The following INSR variants were observed in gnomAD, a reference collection of about 807,000 sequenced individuals.
The protein encoded by INSR is insulin receptor, also known as IR.
In INSR, 67 loss-of-function variants were observed where a neutral mutation model predicts 142.6. The ratio of observed to expected loss-of-function variants is 0.47; its 90% CI spans 0.39 to 0.58. The LOEUF (loss-of-function observed/expected upper bound fraction) is 0.58, where lower values mean the gene tolerates loss of function less well. Ranked by LOEUF, INSR falls within the 20% of genes least tolerant of loss-of-function variation. The probability of loss-of-function intolerance (pLI) is 0.00; values close to 1 mark genes in which losing one functional copy is unlikely to be tolerated. For synonymous variants in INSR, 756 were observed against 743.1 expected, an observed-to-expected ratio of 1.02 and a Z score of -0.28; for missense variants, 1,248 against 1,833.2, an observed-to-expected ratio of 0.68 and a Z score of 5.83.
chr19:7,215,511 T>G (rs1442168353), intron 2 of INSR, among the ~76,000 whole-genome samples: 1 of 152,008 alleles, frequency 6.6e-6, no homozygotes, highest in Non-Finnish European at 1.5e-5. Context: ...GCCTAAAGCT[T>G]GGAAACGCCA....
intron 2 of INSR, among the ~76,000 whole-genome samples, chr19:7,226,850 T>C (rs112188925): frequency 4.6e-5 from 7 of 152,118 alleles, no homozygotes; most frequent in African/African-American, 1.7e-4. Flanking sequence ...AAAAAAATTC[T>C]TTAAGCTGAT....
intron 2 of INSR, among the ~76,000 whole-genome samples, chr19:7,195,313 G>A (rs1974714767): frequency 6.6e-6 from 1 of 152,122 alleles, no homozygotes; most frequent in African/African-American, 2.4e-5. Flanking sequence ...CTAGCTTGAG[G>A]TCATTCGATA....
Position 7,130,934 on chromosome 19 carries a change from A to G in INSR, c.2842+1224T>C, listed in dbSNP as rs1203580313. ...CACTCTGTCACCCAGGCTGGAGTGC[A>G]GTGGCGTGATGTCGGCTCACTGCAA... On this transcript the variant is annotated intron_variant, in intron 14 of 21. Coordinates refer to ENST00000302850, the MANE Select transcript of INSR (RefSeq NM_000208.4). Among the ~76,000 whole-genome samples, 3 of 147,362 alleles carry G rather than the reference A, an allele frequency of 2.0e-5. No homozygotes were observed. The East Asian group carries it at 5.9e-4, about 29-fold the overall frequency.
chr19:7,194,976 C>G (rs1974706212), intron 2 of INSR, among the ~76,000 whole-genome samples: 2 of 152,134 alleles, frequency 1.3e-5, no homozygotes, highest in South Asian at 4.2e-4. Context: ...AAACCCCATC[C>G]CCTGTCCTCG....
In INSR at chr19:7,293,898, G is replaced by T. The variant is rs1479840037; in HGVS notation, c.-7C>A. ...GCCGGCCCCCGGTGGCCATGGCTGC[G>T]GGAGCGCGGGGTCTCCTCGGATCAG... On this transcript the variant is annotated 5_prime_UTR_variant, in exon 1 of 22. Transcript: ENST00000302850. 13 of 1,213,174 alleles carry T rather than the reference G, an allele frequency of 1.1e-5. No homozygotes were observed. The South Asian group carries it at 1.1e-4, about 10-fold the overall frequency. 75.2% of individuals were successfully genotyped at this position (1,213,174 alleles called of 1,614,324 possible). A position where few individuals can be genotyped will look rare whatever the true frequency, so the allele number is the denominator to read the frequency against.
Position 7,184,640 on chromosome 19 carries a change from G to A in INSR, c.653-3C>T, listed in dbSNP as rs894003252. 7.3e-7 allele frequency: 1 copy of A among 1,374,920 alleles called. No homozygotes were observed. The highest frequency in any genetic ancestry group is 1.9e-5 in the Admixed American group (1 of 53,754). 85.2% of individuals were successfully genotyped at this position (1,374,920 alleles called of 1,614,324 possible). On this transcript the variant is annotated splice_polypyrimidine_tract_variant and splice_region_variant and intron_variant, in intron 2 of 21. Transcript: ENST00000302850. ...TGACTTACAGATGGTCGGGCAAACT[G>A]GAGAGAGAGAGAGAGAGAGAGGGAA...
Position 7,125,505 on chromosome 19 carries a change from C to T in INSR, c.3036G>A (p.Val1012=), listed in dbSNP as rs45596938. Residue 1012 remains valine, a synonymous_variant, in exon 17 of 22, where the codon GTG becomes GTA. Coordinates refer to ENST00000302850, the MANE Select transcript of INSR (RefSeq NM_000208.4). This position sits in a 1 kb window ranked among gnomAD's most constrained non-coding sequence, Gnocchi z 4.9. ...CTCGAGACACCTCCCACTCGTCCGG[C>T]ACGTACACAGAGCATGGAAACACTA... ...ASDVFPCSVY[V]PDEWEVSREK... The T allele has an allele frequency of 6.2e-7, 1 of 1,613,962 alleles. No individual in the cohort carries two copies. Among genetic ancestry groups the T allele is most frequent in the South Asian group, 1.1e-5 (1 of 91,090 alleles).
chr19:7,269,514 G>A (rs1419208711), intron 1 of INSR, among the ~76,000 whole-genome samples: 1 of 151,958 alleles, frequency 6.6e-6, no homozygotes, highest in African/African-American at 2.4e-5. Context: ...CCTGGGGTCT[G>A]AACCAAGCAG....
chr19:7,287,218 G>A lies in INSR; in HGVS notation c.100+6574C>T, dbSNP rs372411207. On this transcript the variant is annotated intron_variant, in intron 1 of 21. Coordinates refer to ENST00000302850, the MANE Select transcript of INSR (RefSeq NM_000208.4). ...TCTGTCACCCAGGCTAGAGTGCAGTGGCGCAATCTCGGCTCACTGCAACCT... is the reference window on the plus strand; with the variant it reads ...TCTGTCACCCAGGCTAGAGTGCAGTAGCGCAATCTCGGCTCACTGCAACCT... 2.0e-4 allele frequency among the ~76,000 whole-genome samples: 30 copies of A among 148,162 alleles called. No individual in the cohort carries two copies. In the East Asian group the frequency reaches 4.0e-3, roughly 20 times the overall value.
intron 2 of INSR, among the ~76,000 whole-genome samples, chr19:7,204,275 G>A (rs12610860): frequency 6.6e-6 from 1 of 151,708 alleles, no homozygotes; most frequent in Non-Finnish European, 1.5e-5. Flanking sequence ...GGCTGGTCTC[G>A]AACTCCTGAC....
intron 14 of INSR, among the ~76,000 whole-genome samples, chr19:7,130,454 A>C (rs1972747397): frequency 6.6e-6 from 1 of 152,136 alleles, no homozygotes; most frequent in South Asian, 2.1e-4. Flanking sequence ...TGTAATCCCC[A>C]ATGTTGGAGG....
At position 7,267,627 on chromosome 19, in the gene INSR, C is replaced by T. The variant is rs896894246; in HGVS notation, c.370G>A (p.Glu124Lys). 18 of 1,613,742 alleles carry T rather than the reference C, an allele frequency of 1.1e-5. No homozygotes were observed. The highest frequency in any genetic ancestry group is 1.4e-5 in the Non-Finnish European group (16 of 1,179,908). The change falls in exon 2 of 22, where the codon GAG becomes AAG. Residue 124 changes from glutamate (E) to lysine (K), a missense_variant. Transcript: ENST00000302850. The surrounding 1 kb of genome is among the most constrained non-coding windows in gnomAD (Gnocchi z 6.3). ...CCGAGTTCCTTGAGGTGAACCATCT[C>T]GAAGATGACCAGCGCGTAGTTAAAG... is the stretch of plus-strand genomic sequence containing the variant. ...LFFNYALVIFEMVHLKELGLY... is the reference protein window; with the variant it reads ...LFFNYALVIFKMVHLKELGLY...
chr19:7,240,564 G>A (rs536932196), intron 2 of INSR, among the ~76,000 whole-genome samples: 69 of 152,134 alleles, frequency 4.5e-4, no homozygotes, highest in South Asian at 8.3e-4. Context: ...AGTGAAACTC[G>A]TTGTCAAATA....
chr19:7,150,339 G>T lies in INSR; in HGVS notation c.2267+158C>A, dbSNP rs1416598684. Among the ~76,000 whole-genome samples, 1 of 152,232 alleles carries T rather than the reference G, an allele frequency of 6.6e-6. No individual in the cohort carries two copies. The highest frequency in any genetic ancestry group is 2.4e-5 in the African/African-American group (1 of 41,462). On this transcript the variant is annotated intron_variant, in intron 11 of 21. Transcript: ENST00000302850. This position sits in a 1 kb window ranked among gnomAD's most constrained non-coding sequence, Gnocchi z 4.2. Reference sequence around the variant, plus strand: ...GCCCAGATTTCATTTCAGAGTGAAGGCATTGGATTTCTGAATTGGTGAAGC... The same window carrying T: ...GCCCAGATTTCATTTCAGAGTGAAGTCATTGGATTTCTGAATTGGTGAAGC...
chr19:7,136,657 C>A (rs566831478), intron 13 of INSR, among the ~76,000 whole-genome samples: 1 of 152,000 alleles, frequency 6.6e-6, no homozygotes, highest in East Asian at 1.9e-4. Flanking sequence ...TGTGTTCACC[C>A]TAGAGAGAAG....
intron 2 of INSR, among the ~76,000 whole-genome samples, chr19:7,257,164 G>A (rs904956947): frequency 2.0e-5 from 3 of 151,750 alleles, no homozygotes; most frequent in East Asian, 1.9e-4. Flanking sequence ...GGGTGGTCTC[G>A]AACTCCTGAC....
At chr19:7,118,300 G>A (rs1329428710) in intron 21 of INSR, among the ~76,000 whole-genome samples, 1 of 151,670 alleles carries the variant, frequency 6.6e-6, no homozygotes, top group African/African-American at 2.4e-5. Flanking sequence ...TAATATGTAT[G>A]CCTGACAAAA....
Position 7,216,106 on chromosome 19 carries a change from T to C in INSR, c.653-31469A>G, listed in dbSNP as rs868222022. Among the ~76,000 whole-genome samples, 16 of 152,020 alleles carry C rather than the reference T, an allele frequency of 1.1e-4. No individual in the cohort carries two copies. The highest frequency in any genetic ancestry group is 3.9e-4 in the African/African-American group (16 of 41,526). ...GGGAGGCCAAGGTGAGTGGACCACC[T>C]GAGGTCAGGAGTTCTAGATCAGCCT... is the stretch of plus-strand genomic sequence containing the variant. On this transcript the variant is annotated intron_variant, in intron 2 of 21. Transcript: ENST00000302850. The surrounding 1 kb of genome is among the most constrained non-coding windows in gnomAD (Gnocchi z 4.2).
chr19:7,161,769 G>T (rs1973754468), intron 9 of INSR, among the ~76,000 whole-genome samples: 1 of 152,186 alleles, frequency 6.6e-6, no homozygotes, highest in Admixed American at 6.6e-5. Context: ...GGAAGGCAGG[G>T]AGGGAGAAAG....
Sources: allele counts gnomAD v4.1 joint callset (sites outside exome capture counted in the v4.1 genomes callset), GRCh38; gene constraint gnomAD v4.1.1; non-coding constraint Gnocchi (gnomAD v3.1); transcripts MANE v1.5; gene names NCBI Gene and HGNC (gene_info 2026-07-23, HGNC 2026-07-21).